COL13A1: variants seen among roughly 807,000 people sequenced by gnomAD.
COL13A1 encodes the protein collagen alpha-1(XIII) chain.
In COL13A1, 89 loss-of-function variants were observed where a neutral mutation model predicts 130.9. The ratio of observed to expected loss-of-function variants is 0.68; its 90% CI spans 0.57 to 0.81. The LOEUF (loss-of-function observed/expected upper bound fraction) is 0.81. COL13A1 is among the 30% of genes least tolerant of loss of function. The probability of loss-of-function intolerance (pLI) is 0.00; values close to 1 mark genes in which losing one functional copy is unlikely to be tolerated. For synonymous variants in COL13A1, 402 were observed against 341.6 expected (o/e 1.18, Z -1.95); for missense variants, 879 against 934.6 (o/e 0.94, Z 0.78).
intron 26 of COL13A1, 51 bp from the exon 27 acceptor site, chr10:69,927,036 A>C: frequency 1.2e-6 from 2 of 1,613,076 alleles, no homozygotes; most frequent in Middle Eastern, 1.7e-4. Flanking sequence ...AGAACCTTCC[A>C]CTTGGCTCTT....
intron 2 of COL13A1, among the ~76,000 whole-genome samples, chr10:69,861,720 G>C (rs1858140779): frequency 6.6e-6 from 1 of 152,214 alleles, no homozygotes; most frequent in Non-Finnish European, 1.5e-5. Context: ...CTGATTGATA[G>C]TGGCTGTGTT....
chr10:69,950,463 G>A (rs1430401856), intron 38 of COL13A1, among the ~76,000 whole-genome samples: 6 of 152,076 alleles, frequency 3.9e-5, no homozygotes, highest in East Asian at 3.9e-4. Context: ...TGTTACCCCC[G>A]GGGTATCCTG....
At chr10:69,874,857 C>A (rs2059422984) in intron 4 of COL13A1, among the ~76,000 whole-genome samples, 1 of 152,212 alleles carries the variant, frequency 6.6e-6, no homozygotes, top group Non-Finnish European at 1.5e-5. Flanking sequence ...AACTGAGGCC[C>A]AGGCTGGGAC....
At chr10:69,898,892 G>A (rs913537676) in intron 14 of COL13A1, 130 bp downstream of exon 14, 19 of 636,152 alleles carry the variant, frequency 3.0e-5, no homozygotes, top group African/African-American at 1.3e-4. Context: ...ATAGGCCCAC[G>A]TATACCATAG....
At chr10:69,931,303 G>A (rs1254356415) in intron 30 of COL13A1, 1 of 442,992 alleles carries the variant, frequency 2.3e-6, no homozygotes, top group African/African-American at 2.0e-5. Context: ...GGCAGCCACA[G>A]ATGAGGGTCC....
intron 2 of COL13A1, among the ~76,000 whole-genome samples, chr10:69,830,150 G>A (rs753975565): frequency 2.3e-4 from 35 of 152,196 alleles, no homozygotes; most frequent in Non-Finnish European, 3.7e-4. Context: ...ATATAAAAAG[G>A]TGAATGACTG....
At chr10:69,958,062 T>C (rs538143248) in intron 40 of COL13A1, among the ~76,000 whole-genome samples, 2 of 151,754 alleles carry the variant, frequency 1.3e-5, no homozygotes, top group Admixed American at 1.3e-4. Context: ...AGGCCAACGC[T>C]GACCACCTAC....
intron 18 of COL13A1, among the ~76,000 whole-genome samples, chr10:69,917,841 G>A (rs2064116671): frequency 1.3e-5 from 2 of 152,014 alleles, no homozygotes; most frequent in South Asian, 2.1e-4. Flanking sequence ...GGTGAAATCA[G>A]CCCCTTTACT....
chr10:69,930,102 C>T lies in COL13A1; in HGVS notation c.1530+15C>T, dbSNP rs754874797. On this transcript the variant is annotated intron_variant, in intron 29 of 40. Transcript: ENST00000645393. ...ATGGGGAAAAGGTATGAACAGACGTCCTCTGGTCAAACCTCTGAAGACAGT... is the reference window on the plus strand; with the variant it reads ...ATGGGGAAAAGGTATGAACAGACGTTCTCTGGTCAAACCTCTGAAGACAGT... 1 of 1,613,478 alleles carries T rather than the reference C, an allele frequency of 6.2e-7. No homozygotes were observed. Among genetic ancestry groups the T allele is most frequent in the South Asian group, 1.1e-5 (1 of 91,016 alleles).
intron 13 of COL13A1, among the ~76,000 whole-genome samples, chr10:69,896,588 GT>G (rs2061668028): frequency 6.6e-6 from 1 of 152,236 alleles, no homozygotes; most frequent in Admixed American, 6.5e-5. Flanking sequence ...GCCAGGCTCA[GT>G]GCCAGCTTGA....
Position 69,926,006 on chromosome 10 carries a change from G to C in COL13A1, c.1398+134G>C, listed in dbSNP as rs1420115088. On this transcript the variant is annotated intron_variant, in intron 26 of 40. Coordinates refer to ENST00000645393, the MANE Select transcript of COL13A1 (RefSeq NM_001368882.1). Reference sequence around the variant, plus strand: ...GCCCTCAGGCAGCGCTTCCAGGAGAGCTGCTTCCTCGCTTTCTCTCCTTTG... The same window carrying C: ...GCCCTCAGGCAGCGCTTCCAGGAGACCTGCTTCCTCGCTTTCTCTCCTTTG... 9 of 704,906 alleles carry C rather than the reference G, an allele frequency of 1.3e-5. No homozygotes were observed. In the Admixed American group the frequency reaches 1.5e-4, roughly 12 times the overall value. 43.7% of individuals were successfully genotyped at this position (704,906 alleles called of 1,614,324 possible).
At chr10:69,913,254 T>C (rs1203597767) in intron 17 of COL13A1, among the ~76,000 whole-genome samples, 1 of 152,180 alleles carries the variant, frequency 6.6e-6, no homozygotes, top group African/African-American at 2.4e-5. Flanking sequence ...TTTGTAAGGC[T>C]CAGAGCACCC....
intron 1 of COL13A1, among the ~76,000 whole-genome samples, chr10:69,809,064 C>G (rs76579087): frequency 0.035 from 5,334 of 152,262 alleles, 217 homozygotes; most frequent in East Asian, 0.098. Flanking sequence ...TTTTTACCTG[C>G]CCCAGCTGGC....
rs145760353 is a variant in COL13A1, at chr10:69,902,934, G to A, written c.858+79G>A. 1.7e-3 allele frequency: 2,000 copies of A among 1,156,438 alleles called. 6 individuals are homozygous for A. Among genetic ancestry groups the A allele is most frequent in the Non-Finnish European group, 2.1e-3 (1,785 of 844,790 alleles). 71.6% of individuals were successfully genotyped at this position (1,156,438 alleles called of 1,614,324 possible). A position where few individuals can be genotyped will look rare whatever the true frequency, so the allele number is the denominator to read the frequency against. The stretch of plus-strand genomic sequence containing the variant: ...ACCTCCAAACCTTGAATAGGCAGTG[G>A]GTCCCCTACAAAAAGCAGAAATGCC... On this transcript the variant is annotated intron_variant, in intron 15 of 40. Coordinates refer to ENST00000645393, the MANE Select transcript of COL13A1 (RefSeq NM_001368882.1).
At chr10:69,956,887 G>A in intron 39 of COL13A1, 117 bp from the exon 40 acceptor site, 1 of 748,476 alleles carries the variant, frequency 1.3e-6, no homozygotes. Flanking sequence ...GACAAGCGTG[G>A]GTGGGCCACA....
intron 21 of COL13A1, 138 bp from the exon 22 acceptor site, chr10:69,921,744 C>T: frequency 8.8e-7 from 1 of 1,142,138 alleles, no homozygotes; most frequent in Non-Finnish European, 1.3e-6. Context: ...AAGTGGAGCC[C>T]TTCAGAAAGC....
chr10:69,838,185 G>C (rs570180469), intron 2 of COL13A1, among the ~76,000 whole-genome samples: 1 of 152,212 alleles, frequency 6.6e-6, no homozygotes, highest in Non-Finnish European at 1.5e-5. Context: ...GTGCCTTCCC[G>C]GTCCCACTTG....
chr10:69,937,593 A>ACATGTC, intron 33 of COL13A1, 42 bp from the exon 34 acceptor site: 1 of 924,008 alleles, frequency 1.1e-6, no homozygotes, highest in South Asian at 1.3e-5. Flanking sequence ...ATTGTCTGGG[A>ACATGTC]CATGTCCTTG....
chr10:69,925,401 C>T (rs894101080), intron 25 of COL13A1, among the ~76,000 whole-genome samples: 24 of 152,226 alleles, frequency 1.6e-4, no homozygotes, highest in African/African-American at 5.5e-4. Context: ...AAGGCAGCTT[C>T]TTGCATGACT....
Sources: allele counts gnomAD v4.1 joint callset (sites outside exome capture counted in the v4.1 genomes callset), GRCh38; gene constraint gnomAD v4.1.1; transcripts MANE v1.5; gene names NCBI Gene and HGNC (gene_info 2026-07-23, HGNC 2026-07-21).